Variants in CYTH3 observed in about 807,000 individuals in gnomAD.
The protein encoded by CYTH3 is cytohesin-3.
A neutral mutation model predicts 55.1 loss-of-function variants in CYTH3; 23 were observed. The ratio of observed to expected loss-of-function variants is 0.42; its 90% CI spans 0.30 to 0.59. CYTH3 has a LOEUF of 0.59. Ranked by LOEUF, CYTH3 falls within the 20% of genes least tolerant of loss-of-function variation. CYTH3 has a pLI of 0.20. For synonymous variants in CYTH3, 249 were observed against 194.9 expected (o/e 1.28, Z -2.31); for missense variants, 413 against 524.8 (o/e 0.79, Z 2.08).
At chr7:6,183,173 C>T (rs1183494396) in intron 4 of CYTH3, among the ~76,000 whole-genome samples, 2 of 152,222 alleles carry the variant, frequency 1.3e-5, no homozygotes, top group East Asian at 1.9e-4. Flanking sequence ...GTCAGGAGAG[C>T]GTGACCAGTC....
chr7:6,174,433 T>A (rs189625661), intron 5 of CYTH3, among the ~76,000 whole-genome samples: 39 of 151,930 alleles, frequency 2.6e-4, no homozygotes, highest in African/African-American at 8.5e-4. Context: ...TTATATCTTA[T>A]CAGCAATGAA....
chr7:6,187,198 CCGCAACAA>C, intron 3 of CYTH3, 82 bp from the exon 4 acceptor site: 2 of 1,451,058 alleles, frequency 1.4e-6, no homozygotes, highest in Non-Finnish European at 1.9e-6. Context: ...GTACTTTCCC[CCGCAACAA>C]CGGGCTCAAG....
intron 1 of CYTH3, among the ~76,000 whole-genome samples, chr7:6,238,787 G>C (rs982292908): frequency 2.0e-5 from 3 of 152,184 alleles, no homozygotes; most frequent in Non-Finnish European, 4.4e-5. Flanking sequence ...GTGTGCACGT[G>C]GGGGCAGGGA....
intron 1 of CYTH3, among the ~76,000 whole-genome samples, chr7:6,272,271 C>G (rs1216941612): frequency 2.0e-5 from 3 of 151,194 alleles, no homozygotes; most frequent in Non-Finnish European, 3.0e-5. Context: ...GAACGGCGAC[C>G]CCGGCCCGCC....
Position 6,164,152 on chromosome 7 carries a change from T to A in CYTH3, c.*792A>T, listed in dbSNP as rs575604646. The stretch of plus-strand genomic sequence containing the variant: ...GTCACCCTGGAGCCCCCAAGTGCCA[T>A]GGCCGTCCCTCCCCCAGCCCGTCCC... On this transcript the variant is annotated 3_prime_UTR_variant, in exon 13 of 13. Transcript: ENST00000350796. 95 of 152,434 alleles carry A rather than the reference T, an allele frequency of 6.2e-4. No homozygotes were observed. The highest frequency in any genetic ancestry group is 2.2e-3 in the African/African-American group (93 of 41,460). The allele number at this position is 152,434 out of a possible 1,614,324, so 9.4% of individuals were successfully genotyped here.
chr7:6,182,103 A>G lies in CYTH3; in HGVS notation c.250-4162T>C, dbSNP rs894426807. 2.6e-5 allele frequency among the ~76,000 whole-genome samples: 4 copies of G among 152,116 alleles called. No individual in the cohort carries two copies. The East Asian group carries it at 7.7e-4, about 29-fold the overall frequency. On this transcript the variant is annotated intron_variant, in intron 4 of 12. Transcript: ENST00000350796. ...GCTCTTATCGCCCAGGCTGGAGTGCATTAGTGCAATCTAGGCTCACTGCAA... is the reference window on the plus strand; with the variant it reads ...GCTCTTATCGCCCAGGCTGGAGTGCGTTAGTGCAATCTAGGCTCACTGCAA...
At chr7:6,216,598 G>T (rs778062927) in intron 1 of CYTH3, among the ~76,000 whole-genome samples, 1 of 151,602 alleles carries the variant, frequency 6.6e-6, no homozygotes, top group East Asian at 1.9e-4. Flanking sequence ...AAAATTAGCC[G>T]GGTGTGGTGA....
At chr7:6,189,446 C>A (rs1315875801) in intron 2 of CYTH3, among the ~76,000 whole-genome samples, 1 of 152,016 alleles carries the variant, frequency 6.6e-6, no homozygotes, top group African/African-American at 2.4e-5. Context: ...GTATCTGGGA[C>A]TACAGGTACA....
chr7:6,166,723 G>C (rs929144892), intron 9 of CYTH3, among the ~76,000 whole-genome samples: 3 of 152,166 alleles, frequency 2.0e-5, no homozygotes, highest in Admixed American at 6.5e-5. Flanking sequence ...TGGCTCAGCG[G>C]AACTGGAGGC....
chr7:6,219,003 CAAAAAAA>C (rs35386425), intron 1 of CYTH3, among the ~76,000 whole-genome samples: 2 of 74,302 alleles, frequency 2.7e-5, no homozygotes, highest in East Asian at 7.7e-4. Context: ...GACTCCGTCT[CAAAAAAA>C]AAAAAAAAAA....
intron 2 of CYTH3, among the ~76,000 whole-genome samples, chr7:6,189,931 G>T (rs1346227619): frequency 6.6e-6 from 1 of 152,068 alleles, no homozygotes; most frequent in Admixed American, 6.5e-5. Context: ...AGATACTCAG[G>T]AGACTGAGGC....
chr7:6,251,189 C>A (rs557335602), intron 1 of CYTH3, among the ~76,000 whole-genome samples: 7 of 152,066 alleles, frequency 4.6e-5, no homozygotes, highest in African/African-American at 1.4e-4. Flanking sequence ...GCAGGAGAAT[C>A]GCGTGAATCC....
At chr7:6,242,778 CCT>C (rs1441961983) in intron 1 of CYTH3, among the ~76,000 whole-genome samples, 7 of 152,090 alleles carry the variant, frequency 4.6e-5, no homozygotes, top group African/African-American at 1.7e-4. Context: ...ACAGGAATTC[CCT>C]GTCATACTAC....
chr7:6,271,345 C>A (rs543427479), intron 1 of CYTH3, among the ~76,000 whole-genome samples: 1 of 152,210 alleles, frequency 6.6e-6, no homozygotes, highest in Non-Finnish European at 1.5e-5. Context: ...ACCACTTCAT[C>A]CTGAAGCATT....
intron 1 of CYTH3, 49 bp from the exon 2 acceptor site, chr7:6,190,580 C>T (rs1393562078): frequency 1.4e-6 from 2 of 1,440,000 alleles, no homozygotes; most frequent in South Asian, 2.7e-5. Context: ...ACATTGGCAA[C>T]ATCCAGCAAG....
chr7:6,205,095 G>A (rs1469676264), intron 1 of CYTH3, among the ~76,000 whole-genome samples: 1 of 152,096 alleles, frequency 6.6e-6, no homozygotes, highest in East Asian at 1.9e-4. Flanking sequence ...AGCCTGGACG[G>A]CCAAGGCTGC....
At chr7:6,250,398 C>G (rs1258429863) in intron 1 of CYTH3, among the ~76,000 whole-genome samples, 1 of 152,192 alleles carries the variant, frequency 6.6e-6, no homozygotes, top group East Asian at 1.9e-4. Flanking sequence ...AGATAGCACA[C>G]AGCCACAGAT....
At chr7:6,166,359 G>A (rs1783008896) in intron 9 of CYTH3, among the ~76,000 whole-genome samples, 1 of 152,234 alleles carries the variant, frequency 6.6e-6, no homozygotes, top group East Asian at 1.9e-4. Context: ...TAAACACTGA[G>A]CAGAGACAAA....
intron 1 of CYTH3, among the ~76,000 whole-genome samples, chr7:6,203,737 G>C (rs62454281): frequency 6.8e-6 from 1 of 147,976 alleles, no homozygotes; most frequent in Non-Finnish European, 1.5e-5. Flanking sequence ...TTTTTTTTTG[G>C]AGACAGAGTC....
Sources: gnomAD v4.1 joint callset for allele counts (sites outside exome capture counted in the v4.1 genomes callset) on GRCh38, gnomAD v4.1.1 for gene constraint, MANE v1.5 for transcripts, NCBI Gene and HGNC (gene_info 2026-07-23, HGNC 2026-07-21) for gene names.